EBF2: variants seen among roughly 807,000 people sequenced by gnomAD.
EBF2 encodes the protein transcription factor COE2.
Under a neutral mutation model 72.8 loss-of-function variants are expected in EBF2, and 21 were observed. That is an observed-to-expected ratio of 0.29 (90% CI 0.20 to 0.42). EBF2 has a LOEUF of 0.42. Among genes scored for constraint, EBF2 ranks in the 10% least tolerant of loss-of-function variants. The pLI is 1.00. For synonymous variants in EBF2, 299 were observed against 274.2 expected (o/e 1.09, Z -0.89); for missense variants, 637 against 731.2 (o/e 0.87, Z 1.49).
chr8:25,889,861 C>T lies in EBF2; in HGVS notation c.642G>A (p.Leu214=). The change falls in exon 8 of 16, where the codon TTG becomes TTA. Residue 214 remains leucine, a synonymous_variant. Transcript: ENST00000520164. ...PRDMRRFQVV[L]STTVNVDGHV... ...GTCCATCCACATTCACCGTTGTTGA[C>T]AACACAACCTGCATATTTAAAGTAA... 8.1e-6 allele frequency: 13 copies of T among 1,613,632 alleles called. No homozygotes were observed. The highest frequency in any genetic ancestry group is 1.0e-5 in the Non-Finnish European group (12 of 1,179,664).
rs11302993 is a variant in EBF2 at position 25,997,571 on chromosome 8, C to CAAA, written c.551+35511_551+35513dup. Among the ~76,000 whole-genome samples, 390 of 130,178 alleles carry CAAA rather than the reference C, an allele frequency of 3.0e-3. 1 individual carries two copies. Among genetic ancestry groups the CAAA allele is most frequent in the Middle Eastern group, 4.4e-3 (1 of 226 alleles). 85.4% of individuals were successfully genotyped at this position (130,178 alleles called of 152,430 possible). Reference sequence around the variant, plus strand: ...TGGGCAACAGAACCAGATCCTATCTCAAAAAAAAAAAAAAAAAGTAATCAA... The same window carrying CAAA: ...TGGGCAACAGAACCAGATCCTATCTCAAAAAAAAAAAAAAAAAAAAGTAATCAA... On this transcript the variant is annotated intron_variant, in intron 6 of 15. Coordinates refer to ENST00000520164, the MANE Select transcript of EBF2 (RefSeq NM_022659.4).
At chr8:26,034,835 T>C (rs538948054) in intron 5 of EBF2, among the ~76,000 whole-genome samples, 4 of 152,366 alleles carry the variant, frequency 2.6e-5, no homozygotes, top group African/African-American at 9.6e-5. Flanking sequence ...ATGGTAGTTT[T>C]TCTGTAGCAT....
At chr8:25,980,107 C>G (rs1804335765) in intron 6 of EBF2, among the ~76,000 whole-genome samples, 1 of 152,198 alleles carries the variant, frequency 6.6e-6, no homozygotes, top group South Asian at 2.1e-4. Flanking sequence ...GATCCTGACT[C>G]TCTCATTCCC....
intron 6 of EBF2, among the ~76,000 whole-genome samples, chr8:25,983,067 T>C (rs1804388415): frequency 6.6e-6 from 1 of 152,084 alleles, no homozygotes; most frequent in South Asian, 2.1e-4. Context: ...GAACCAGGAA[T>C]CACAAACGCA....
intron 6 of EBF2, among the ~76,000 whole-genome samples, chr8:25,945,729 G>C (rs1286814361): frequency 6.6e-6 from 1 of 151,904 alleles, no homozygotes; most frequent in Non-Finnish European, 1.5e-5. Context: ...AAAAGAAAAT[G>C]CAGAGTTGGA....
At chr8:25,895,658 C>G (rs1802853868) in intron 7 of EBF2, among the ~76,000 whole-genome samples, 1 of 152,160 alleles carries the variant, frequency 6.6e-6, no homozygotes, top group Non-Finnish European at 1.5e-5. Flanking sequence ...GTCCCTCACT[C>G]CAATAATTTA....
chr8:26,016,972 C>G (rs1805120371), intron 6 of EBF2, among the ~76,000 whole-genome samples: 1 of 151,912 alleles, frequency 6.6e-6, no homozygotes, highest in Non-Finnish European at 1.5e-5. Flanking sequence ...AGGCAGAAGT[C>G]AGAGAGAAAA....
chr8:25,953,157 G>A (rs1376183312), intron 6 of EBF2, among the ~76,000 whole-genome samples: 3 of 152,202 alleles, frequency 2.0e-5, no homozygotes, highest in African/African-American at 7.2e-5. Flanking sequence ...TCACAGCTCT[G>A]CATACACCAC....
intron 6 of EBF2, among the ~76,000 whole-genome samples, chr8:25,912,927 G>A (rs1803152883): frequency 6.6e-6 from 1 of 152,138 alleles, no homozygotes; most frequent in East Asian, 1.9e-4. Context: ...CAAACGAGAT[G>A]CACAAATACA....
At chr8:25,856,367 C>G (rs1426150265) in intron 14 of EBF2, among the ~76,000 whole-genome samples, 1 of 152,150 alleles carries the variant, frequency 6.6e-6, no homozygotes, top group African/African-American at 2.4e-5. Context: ...ACTATAAATA[C>G]ATTAAATATT....
intron 6 of EBF2, among the ~76,000 whole-genome samples, chr8:25,978,664 T>C (rs918929987): frequency 6.6e-6 from 1 of 151,992 alleles, no homozygotes; most frequent in Admixed American, 6.6e-5. Context: ...ACCTAGGAAA[T>C]GGGACCCCCA....
At chr8:26,001,134 G>A (rs1804716627) in intron 6 of EBF2, among the ~76,000 whole-genome samples, 1 of 152,198 alleles carries the variant, frequency 6.6e-6, no homozygotes, top group African/African-American at 2.4e-5. Context: ...CATGCTAAGT[G>A]GCAGGCACTG....
chr8:26,008,409 G>C (rs372133199), intron 6 of EBF2, among the ~76,000 whole-genome samples: 2 of 152,080 alleles, frequency 1.3e-5, no homozygotes, highest in East Asian at 1.9e-4. Flanking sequence ...GTCATGTTCC[G>C]TGCCCATTAA....
At chr8:25,885,599 C>G (rs1328077040) in intron 10 of EBF2, among the ~76,000 whole-genome samples, 7 of 152,112 alleles carry the variant, frequency 4.6e-5, no homozygotes, top group Non-Finnish European at 1.0e-4. Context: ...TGGGAGGGAC[C>G]TGGTGGGAGA....
intron 6 of EBF2, among the ~76,000 whole-genome samples, chr8:25,986,543 A>T (rs990528513): frequency 6.6e-6 from 1 of 152,162 alleles, no homozygotes; most frequent in Admixed American, 6.5e-5. Flanking sequence ...ACTGTGTGAA[A>T]ATCTTGGTTA....
chr8:26,031,216 GT>G (rs747185521), intron 6 of EBF2, among the ~76,000 whole-genome samples: 2 of 152,104 alleles, frequency 1.3e-5, no homozygotes, highest in Non-Finnish European at 2.9e-5. Flanking sequence ...ATCAAGATTA[GT>G]GAGCTCAATC....
chr8:25,947,929 G>A (rs748547316), intron 6 of EBF2, among the ~76,000 whole-genome samples: 5 of 152,198 alleles, frequency 3.3e-5, no homozygotes, highest in Non-Finnish European at 1.5e-5. Flanking sequence ...TTCCTTGTCT[G>A]TTTCCCTAGC....
Position 25,858,454 on chromosome 8 carries a change from A to G in EBF2, c.1393T>C (p.Ser465Pro), listed in dbSNP as rs752918295. 4 of 1,613,882 alleles carry G rather than the reference A, an allele frequency of 2.5e-6. No homozygotes were observed. The highest frequency in any genetic ancestry group is 1.1e-5 in the South Asian group (1 of 91,072). Residue 465 changes from serine to proline, a missense_variant, in exon 14 of 16, where the codon TCC becomes CCC. Ser to Pro is a moderately conservative substitution (Grantham distance 74, BLOSUM62 -1). Around this residue, in one of 3 missense-constraint regions of EBF2, gnomAD observed 259 missense variants for 268.1 expected, o/e 0.97. Transcript: ENST00000520164. ...CTGTAATTAGACTGTTGAGGCGTGG[A>G]GCTGGAAGAGTATCCCCGCGGAGAG... ...SISPRGYSSS[S>P]TPQQSNYSTS...
chr8:25,987,104 G>A (rs1363609003), intron 6 of EBF2, among the ~76,000 whole-genome samples: 1 of 152,154 alleles, frequency 6.6e-6, no homozygotes, highest in Admixed American at 6.5e-5. Context: ...AGGAAGATAA[G>A]GCTAAAGAAG....
Sources: gnomAD v4.1 joint callset for allele counts (sites outside exome capture counted in the v4.1 genomes callset) on GRCh38, gnomAD v4.1.1 for gene constraint, gnomAD v4.1.1 regional missense constraint, MANE v1.5 for transcripts, NCBI Gene and HGNC (gene_info 2026-07-23, HGNC 2026-07-21) for gene names.